Variants in ENDOD1 observed in about 807,000 individuals in gnomAD.
ENDOD1 encodes the protein endonuclease domain-containing 1 protein.
Under a neutral mutation model 6.5 loss-of-function variants are expected in ENDOD1, and 9 were observed. The observed-to-expected ratio is 1.39, with a 90% CI of 0.84 to 2.43. The LOEUF (loss-of-function observed/expected upper bound fraction) is 2.43. ENDOD1 is among the 30% of genes most tolerant of loss of function. The pLI, the probability that ENDOD1 is intolerant of heterozygous loss-of-function variation, is 0.00. For missense variants in ENDOD1, 648 were observed against 635.5 expected (o/e 1.02, Z -0.21); for synonymous variants, 255 against 255.2 (o/e 1.00, Z 0.01).
At chr11:95,114,505 G>A (rs750175344) in intron 1 of ENDOD1, among the ~76,000 whole-genome samples, 9 of 151,994 alleles carry the variant, frequency 5.9e-5, no homozygotes, top group Non-Finnish European at 1.3e-4. Flanking sequence ...TTTTTAACTT[G>A]TGATCCATTT....
chr11:95,105,746 G>A (rs1037228110), intron 1 of ENDOD1, among the ~76,000 whole-genome samples: 2 of 152,198 alleles, frequency 1.3e-5, no homozygotes, highest in African/African-American at 4.8e-5. Flanking sequence ...CAAAGGACAA[G>A]ATCTCATTCC....
At chr11:95,092,381 A>G (rs1858939511) in intron 1 of ENDOD1, among the ~76,000 whole-genome samples, 1 of 152,128 alleles carries the variant, frequency 6.6e-6, no homozygotes, top group African/African-American at 2.4e-5. Context: ...AGTGAGTCGT[A>G]AAGGAGCATA....
chr11:95,094,207 CTT>C (rs1199194587), intron 1 of ENDOD1, among the ~76,000 whole-genome samples: 20 of 150,688 alleles, frequency 1.3e-4, no homozygotes, highest in African/African-American at 4.9e-4. Flanking sequence ...TTTGTTCAAT[CTT>C]AAAAAATACT....
chr11:95,100,525 A>G (rs1150339), intron 1 of ENDOD1, among the ~76,000 whole-genome samples: 105,785 of 151,974 alleles, frequency 0.7, 38,775 homozygotes, highest in East Asian at 0.89. Context: ...GTCTTGCTCT[A>G]TTGCCCAGGC....
At chr11:95,118,514 T>C (rs1435751578) in intron 1 of ENDOD1, among the ~76,000 whole-genome samples, 3 of 152,260 alleles carry the variant, frequency 2.0e-5, no homozygotes, top group East Asian at 1.9e-4. Context: ...TTTCCGCTGA[T>C]GAAAAGTCTG....
chr11:95,102,209 G>A (rs2037476558), intron 1 of ENDOD1, among the ~76,000 whole-genome samples: 1 of 152,142 alleles, frequency 6.6e-6, no homozygotes, highest in Non-Finnish European at 1.5e-5. Flanking sequence ...CTGCCATTTG[G>A]CCTCACATTT....
At chr11:95,122,851 C>A (rs1295938741) in intron 1 of ENDOD1, among the ~76,000 whole-genome samples, 3 of 152,132 alleles carry the variant, frequency 2.0e-5, no homozygotes, top group African/African-American at 4.8e-5. Context: ...GCATAGTGAG[C>A]AAATGGGCAT....
chr11:95,108,877 G>A (rs7109977), intron 1 of ENDOD1, among the ~76,000 whole-genome samples: 17,058 of 152,078 alleles, frequency 0.11, 1,256 homozygotes, highest in African/African-American at 0.21. Flanking sequence ...AGGACCTTTA[G>A]GCCCCTGTAG....
chr11:95,100,990 G>A (rs1419808066), intron 1 of ENDOD1, among the ~76,000 whole-genome samples: 2 of 147,712 alleles, frequency 1.4e-5, no homozygotes, highest in African/African-American at 5.0e-5. Context: ...ATTCATTTGT[G>A]TGACTAATTG....
chr11:95,110,915 C>T (rs1859142997), intron 1 of ENDOD1, among the ~76,000 whole-genome samples: 2 of 152,120 alleles, frequency 1.3e-5, no homozygotes, highest in South Asian at 4.2e-4. Flanking sequence ...TAAAGGAACT[C>T]CCTTGTCCCT....
At chr11:95,121,838 T>G (rs1859264163) in intron 1 of ENDOD1, among the ~76,000 whole-genome samples, 1 of 152,170 alleles carries the variant, frequency 6.6e-6, no homozygotes, top group Non-Finnish European at 1.5e-5. Flanking sequence ...AGAAAGAAAT[T>G]TTTCCATTGA....
At chr11:95,125,060 A>T (rs980666457) in intron 1 of ENDOD1, among the ~76,000 whole-genome samples, 2 of 151,606 alleles carry the variant, frequency 1.3e-5, no homozygotes, top group African/African-American at 4.9e-5. Flanking sequence ...TCCTCATCCA[A>T]GTCCCTCTTC....
At position 95,120,348 on chromosome 11, in the gene ENDOD1, ATT is replaced by A. The variant is rs752819760; in HGVS notation, c.301-8028_301-8027del. The stretch of plus-strand genomic sequence containing the variant: ...GCTTACCTAGGTATTGCTGCTGATT[ATT>A]AAGGGCCCAAAAGGTCTTCAGTTAG... On this transcript the variant is annotated intron_variant, in intron 1 of 1. Coordinates refer to ENST00000278505, the MANE Select transcript of ENDOD1 (RefSeq NM_015036.3). Among the ~76,000 whole-genome samples the A allele has an allele frequency of 3.4e-4, 52 of 152,102 alleles. 1 individual carries two copies. The highest frequency in any genetic ancestry group is 1.3e-4 in the Non-Finnish European group (9 of 68,010).
At chr11:95,092,930 C>G (rs927972342) in intron 1 of ENDOD1, among the ~76,000 whole-genome samples, 5 of 152,160 alleles carry the variant, frequency 3.3e-5, no homozygotes, top group Non-Finnish European at 5.9e-5. Flanking sequence ...CCAAGAGGAC[C>G]CGCACACAGG....
intron 1 of ENDOD1, among the ~76,000 whole-genome samples, chr11:95,124,800 G>A (rs1056138554): frequency 6.6e-6 from 1 of 152,154 alleles, no homozygotes; most frequent in African/African-American, 2.4e-5. Context: ...TGATCTAAGA[G>A]GATGCAGAAA....
chr11:95,092,615 T>G (rs1440886761), intron 1 of ENDOD1, among the ~76,000 whole-genome samples: 1 of 152,138 alleles, frequency 6.6e-6, no homozygotes, highest in Non-Finnish European at 1.5e-5. Context: ...CACTGCAGGA[T>G]GCTTTTCCCT....
chr11:95,115,140 T>C (rs1362671317), intron 1 of ENDOD1, among the ~76,000 whole-genome samples: 1 of 152,176 alleles, frequency 6.6e-6, no homozygotes, highest in Non-Finnish European at 1.5e-5. Context: ...ATTTTTCCTC[T>C]TTTTGTGTGT....
chr11:95,130,784 G>A lies in ENDOD1; in HGVS notation c.*1205G>A, dbSNP rs901661360. ...CCATTAATACAAATTAAATGTGAGA[G>A]CTCATTCTCAAAATTTTTTTGATCA... On this transcript the variant is annotated 3_prime_UTR_variant, in exon 2 of 2. Transcript: ENST00000278505. 2 of 152,188 alleles carry A rather than the reference G, an allele frequency of 1.3e-5. No homozygotes were observed. Among genetic ancestry groups the A allele is most frequent in the Non-Finnish European group, 2.9e-5 (2 of 68,028 alleles). 9.4% of individuals were successfully genotyped at this position (152,188 alleles called of 1,614,324 possible). A position where few individuals can be genotyped will look rare whatever the true frequency, so the allele number is the denominator to read the frequency against.
At chr11:95,091,126 C>G (rs2134159137) in intron 1 of ENDOD1, among the ~76,000 whole-genome samples, 3 of 152,230 alleles carry the variant, frequency 2.0e-5, no homozygotes, top group Admixed American at 2.0e-4. Flanking sequence ...GCTCTTAATA[C>G]CTCTCCTCAG....
Sources: allele counts gnomAD v4.1 joint callset (sites outside exome capture counted in the v4.1 genomes callset), GRCh38; gene constraint gnomAD v4.1.1; transcripts MANE v1.5; gene names NCBI Gene and HGNC (gene_info 2026-07-23, HGNC 2026-07-21).